MX1: variants seen among roughly 807,000 people sequenced by gnomAD.
The protein encoded by MX1 is interferon-induced GTP-binding protein Mx1.
In MX1, 66 loss-of-function variants were observed where a neutral mutation model predicts 66.4. That is an observed-to-expected ratio of 0.99 (90% CI 0.82 to 1.22). The LOEUF is 1.22. Ranked by LOEUF, MX1 falls within the 50% of genes most tolerant of loss-of-function variation. MX1 has a pLI of 0.00. For synonymous variants in MX1, 311 were observed against 318.1 expected (o/e 0.98, Z 0.24); for missense variants, 787 against 834.3 (o/e 0.94, Z 0.70).
chr21:41,443,929 G>C, intron 11 of MX1, 63 bp downstream of exon 11: 1 of 1,482,322 alleles, frequency 6.7e-7, no homozygotes, highest in Non-Finnish European at 9.4e-7. Context: ...GCTGAACCTT[G>C]CTGGCTTCTT....
intron 6 of MX1, 95 bp from the exon 7 acceptor site, chr21:41,436,920 T>C: frequency 6.9e-7 from 1 of 1,459,040 alleles, no homozygotes; most frequent in Non-Finnish European, 9.3e-7. Context: ...TGTCTCCCCA[T>C]ATGATTGTAT....
rs537171217 is a variant in MX1, at chr21:41,446,755, A to G, written c.1273+614A>G. ...ATGCGGGCAGAGTGCTCATAACCCA[A>G]TCCTTCCTAAAGGTCTCCTCTGTTG... On this transcript the variant is annotated intron_variant, in intron 13 of 16. Coordinates refer to ENST00000398598, the MANE Select transcript of MX1 (RefSeq NM_002462.5). Among the ~76,000 whole-genome samples the G allele has an allele frequency of 1.6e-3, 243 of 152,316 alleles. 1 individual carries two copies. The highest frequency in any genetic ancestry group is 1.5e-3 in the Non-Finnish European group (104 of 68,026).
At position 41,441,534 on chromosome 21, in the gene MX1, G is replaced by C; in HGVS notation, c.731-182G>C. 1 of 634,656 alleles carries C rather than the reference G, an allele frequency of 1.6e-6. No individual in the cohort carries two copies. Among genetic ancestry groups the C allele is most frequent in the Non-Finnish European group, 2.8e-6 (1 of 359,988 alleles). The allele number at this position is 634,656 out of a possible 1,614,324, so 39.3% of individuals were successfully genotyped here. A position where few individuals can be genotyped will look rare whatever the true frequency, so the allele number is the denominator to read the frequency against. On this transcript the variant is annotated intron_variant, in intron 9 of 16. Transcript: ENST00000398598. The surrounding 1 kb of genome is among the most constrained non-coding windows in gnomAD (Gnocchi z 4.0). ...TGGGAGGCATCCCTGCCTTCACGCG[G>C]CTTGTCGTGGAGTTCTTTTCTGGAG...
upstream of MX1, chr21:41,421,761 C>A (rs1329361727): frequency 6.5e-6 from 1 of 152,896 alleles, no homozygotes; most frequent in African/African-American, 2.4e-5. Flanking sequence ...TAGTACAGAA[C>A]AAAATGGAGT....
In MX1 at chr21:41,458,794, A is replaced by G. The variant is rs1444873467; in HGVS notation, c.*36A>G. ...TCCAGCCCCGTAGACGTGCACGCAC[A>G]CTGTCTGCCCCCGTTCCCGGGTAGC... On this transcript the variant is annotated 3_prime_UTR_variant, in exon 17 of 17. Coordinates refer to ENST00000398598, the MANE Select transcript of MX1 (RefSeq NM_002462.5). 8 of 1,591,686 alleles carry G rather than the reference A, an allele frequency of 5.0e-6. No individual in the cohort carries two copies. Among genetic ancestry groups the G allele is most frequent in the Non-Finnish European group, 6.8e-6 (8 of 1,171,272 alleles).
At chr21:41,421,535 G>A (rs1017612901), upstream of MX1, among the ~76,000 whole-genome samples, 4 of 152,234 alleles carry the variant, frequency 2.6e-5, no homozygotes, top group African/African-American at 4.8e-5. Context: ...AGGTCCCTGC[G>A]GCCTTCCGCA....
chr21:41,439,747 C>G lies in MX1; in HGVS notation c.490C>G (p.Leu164Val). 1 of 1,613,942 alleles carries G rather than the reference C, an allele frequency of 6.2e-7. No individual in the cohort carries two copies. The highest frequency in any genetic ancestry group is 8.5e-7 in the Non-Finnish European group (1 of 1,179,832). ...GMGISHELIT[L>V]EISSRDVPDL... Reference sequence around the variant, plus strand: ...GGGAATCAGTCATGAGCTAATCACCCTGGAGATCAGCTCCCGAGATGTCCC... The same window carrying G: ...GGGAATCAGTCATGAGCTAATCACCGTGGAGATCAGCTCCCGAGATGTCCC... The change falls in exon 8 of 17, where the codon CTG becomes GTG. Residue 164 changes from leucine (L) to valine (V), a missense_variant. By Grantham distance (32) the Leu-to-Val change is conservative (BLOSUM62 1). Transcript: ENST00000398598.
intron 16 of MX1, among the ~76,000 whole-genome samples, chr21:41,455,136 C>A (rs1184874117): frequency 1.3e-5 from 2 of 152,172 alleles, no homozygotes; most frequent in Non-Finnish European, 2.9e-5. Context: ...TCTTGAACTC[C>A]TGACCTCAAG....
chr21:41,431,304 G>A (rs1231244231), intron 4 of MX1, among the ~76,000 whole-genome samples: 1 of 152,170 alleles, frequency 6.6e-6, no homozygotes, highest in Non-Finnish European at 1.5e-5. Flanking sequence ...TGGGATACAG[G>A]CGTGAGCTAC....
chr21:41,441,899 A>G lies in MX1; in HGVS notation c.914A>G (p.Asn305Ser). 1 of 1,613,894 alleles carries G rather than the reference A, an allele frequency of 6.2e-7. No individual in the cohort carries two copies. Among genetic ancestry groups the G allele is most frequent in the Non-Finnish European group, 8.5e-7 (1 of 1,179,970 alleles). Residue 305 changes from asparagine (N) to serine (S), a missense_variant, in exon 10 of 17, where the codon AAC becomes AGC. Physicochemically the swap from Asn to Ser is conservative, Grantham distance 46. Coordinates refer to ENST00000398598, the MANE Select transcript of MX1 (RefSeq NM_002462.5). The surrounding 1 kb of genome is among the most constrained non-coding windows in gnomAD (Gnocchi z 4.0). ...CAGAGAGAGAAGATCTTCTTTGAGA[A>G]CCACCCATATTTCAGGTGCGCTTGC... ...ALQREKIFFE[N>S]HPYFRDLLEE...
chr21:41,433,833 T>A (rs903862634), intron 5 of MX1, among the ~76,000 whole-genome samples: 21 of 152,158 alleles, frequency 1.4e-4, no homozygotes, highest in African/African-American at 5.1e-4. Flanking sequence ...TGTAAATAGA[T>A]AGTATAAATA....
intron 10 of MX1, among the ~76,000 whole-genome samples, chr21:41,443,158 A>G (rs1490222743): frequency 8.1e-6 from 1 of 123,860 alleles, no homozygotes; most frequent in African/African-American, 2.8e-5. Context: ...ACTGAAGCTT[A>G]GGTATGAGTA....
At chr21:41,426,996 C>G (rs2090081174) in intron 1 of MX1, 1 of 152,196 alleles carries the variant, frequency 6.6e-6, no homozygotes, top group South Asian at 2.1e-4. Context: ...CAGAAGGAGC[C>G]CGGGCACAGC....
At chr21:41,448,288 G>A (rs547103305) in intron 13 of MX1, among the ~76,000 whole-genome samples, 7 of 152,266 alleles carry the variant, frequency 4.6e-5, no homozygotes, top group Middle Eastern at 3.4e-3. Flanking sequence ...ATTCATACAA[G>A]TTGATGTGCC....
At chr21:41,423,844 G>C (rs901550819), upstream of MX1, among the ~76,000 whole-genome samples, 3 of 152,214 alleles carry the variant, frequency 2.0e-5, no homozygotes, top group Admixed American at 6.5e-5. Context: ...GAAGTGCCTA[G>C]GGCGTTAAAA....
chr21:41,423,470 A>G (rs1242556750), upstream of MX1, among the ~76,000 whole-genome samples: 2 of 152,174 alleles, frequency 1.3e-5, no homozygotes, highest in African/African-American at 2.4e-5. Context: ...CAGGCAATAG[A>G]TGATTGGCTA....
At chr21:41,447,652 G>T (rs1055373768) in intron 13 of MX1, among the ~76,000 whole-genome samples, 4 of 152,184 alleles carry the variant, frequency 2.6e-5, no homozygotes, top group Non-Finnish European at 5.9e-5. Flanking sequence ...ACTGATGGGT[G>T]ATGGATGTGG....
upstream of MX1, among the ~76,000 whole-genome samples, chr21:41,423,710 C>CT (rs1185344998): frequency 9.8e-5 from 15 of 152,302 alleles, 1 homozygote; most frequent in South Asian, 3.1e-3. Context: ...TATTGTATGA[C>CT]TGACTGCTGA....
At chr21:41,447,082 G>A (rs467537) in intron 13 of MX1, among the ~76,000 whole-genome samples, 75,716 of 151,984 alleles carry the variant, frequency 0.5, 19,825 homozygotes, top group Non-Finnish European at 0.59. Context: ...GACTTGGGGG[G>A]GCTTAAACAG....
Sources: allele counts gnomAD v4.1 joint callset (sites outside exome capture counted in the v4.1 genomes callset), GRCh38; gene constraint gnomAD v4.1.1; non-coding constraint Gnocchi (gnomAD v3.1); transcripts MANE v1.5; gene names NCBI Gene and HGNC (gene_info 2026-07-23, HGNC 2026-07-21).